CREB5: variants seen among roughly 807,000 people sequenced by gnomAD.
CREB5 encodes the protein cAMP responsive element binding protein 5.
In CREB5, 19 loss-of-function variants were observed where a neutral mutation model predicts 57.1. The observed-to-expected ratio is 0.33, with a 90% CI of 0.23 to 0.49. The LOEUF (loss-of-function observed/expected upper bound fraction) is 0.49, where lower values mean the gene tolerates loss of function less well. Among genes scored for constraint, CREB5 ranks in the 20% least tolerant of loss-of-function variants. The probability of loss-of-function intolerance (pLI) is 0.99; values close to 1 mark genes in which losing one functional copy is unlikely to be tolerated. For synonymous variants in CREB5, 238 were observed against 238.3 expected, an observed-to-expected ratio of 1.00 and a Z score of 0.01; for missense variants, 579 against 671.6, an observed-to-expected ratio of 0.86 and a Z score of 1.52.
intron 5 of CREB5, among the ~76,000 whole-genome samples, chr7:28,611,280 C>G (rs887124960): frequency 1.3e-5 from 2 of 151,784 alleles, no homozygotes; most frequent in Non-Finnish European, 2.9e-5. Context: ...GGATAAGTTA[C>G]AAAGATGTTC....
At chr7:28,420,352 T>G (rs889048423) in intron 1 of CREB5, among the ~76,000 whole-genome samples, 3 of 152,212 alleles carry the variant, frequency 2.0e-5, no homozygotes, top group Non-Finnish European at 4.4e-5. Context: ...TTATCTTTAT[T>G]TAACATTTAG....
At chr7:28,644,875 T>C (rs1798831097) in intron 5 of CREB5, among the ~76,000 whole-genome samples, 1 of 152,116 alleles carries the variant, frequency 6.6e-6, no homozygotes, top group Non-Finnish European at 1.5e-5. Context: ...TGCTCTTCCT[T>C]GAGAATGAGG....
intron 7 of CREB5, among the ~76,000 whole-genome samples, chr7:28,769,486 TAATAA>T (rs1425992560): frequency 2.6e-5 from 4 of 152,180 alleles, no homozygotes; most frequent in Non-Finnish European, 5.9e-5. Context: ...AAATAAATAC[TAATAA>T]AATAAAATTA....
chr7:28,656,774 G>A (rs1799348568), intron 5 of CREB5, among the ~76,000 whole-genome samples: 1 of 152,082 alleles, frequency 6.6e-6, no homozygotes, highest in Non-Finnish European at 1.5e-5. Flanking sequence ...TTTAGTCCAG[G>A]GCACTTTATT....
chr7:28,672,156 G>A (rs1478110484), intron 5 of CREB5, among the ~76,000 whole-genome samples: 3 of 142,400 alleles, frequency 2.1e-5, no homozygotes, highest in South Asian at 2.3e-4. Context: ...CACCAGACAA[G>A]GAGATCAGTT....
chr7:28,697,950 G>A (rs1007859702), intron 5 of CREB5, among the ~76,000 whole-genome samples: 3 of 152,108 alleles, frequency 2.0e-5, no homozygotes, highest in African/African-American at 4.8e-5. Context: ...AATTTTCTGG[G>A]TTCTCAAAAA....
At chr7:28,378,617 C>G (rs1786894359) in intron 1 of CREB5, among the ~76,000 whole-genome samples, 1 of 152,172 alleles carries the variant, frequency 6.6e-6, no homozygotes, top group Non-Finnish European at 1.5e-5. Flanking sequence ...AGGCTTCTGT[C>G]CTGGCTTTGT....
At chr7:28,790,673 A>G (rs1267297496) in intron 7 of CREB5, among the ~76,000 whole-genome samples, 2 of 152,230 alleles carry the variant, frequency 1.3e-5, no homozygotes, top group African/African-American at 4.8e-5. Context: ...TGCTGAAGGA[A>G]ACGTTTCAAT....
At chr7:28,438,141 A>G (rs1038736553) in intron 1 of CREB5, among the ~76,000 whole-genome samples, 3 of 152,182 alleles carry the variant, frequency 2.0e-5, no homozygotes, top group Non-Finnish European at 4.4e-5. Flanking sequence ...CTAGGGTCAC[A>G]TTGATTGTTA....
chr7:28,314,981 C>G (rs1424217293), intron 1 of CREB5, among the ~76,000 whole-genome samples: 1 of 152,154 alleles, frequency 6.6e-6, no homozygotes, highest in African/African-American at 2.4e-5. Flanking sequence ...ACATATTTTC[C>G]TGCCTCAAGA....
At chr7:28,422,183 G>C (rs1281775770) in intron 1 of CREB5, among the ~76,000 whole-genome samples, 3 of 152,136 alleles carry the variant, frequency 2.0e-5, no homozygotes, top group Non-Finnish European at 4.4e-5. Context: ...CTGTGGACAA[G>C]AGGATACTAT....
chr7:28,577,442 T>C (rs1023413273), intron 5 of CREB5, among the ~76,000 whole-genome samples: 1 of 152,214 alleles, frequency 6.6e-6, no homozygotes, highest in Admixed American at 6.5e-5. Flanking sequence ...ACTTCTAGGC[T>C]CAACTCCTAG....
chr7:28,409,179 G>A (rs1319940075), upstream of CREB5, among the ~76,000 whole-genome samples: 2 of 151,422 alleles, frequency 1.3e-5, no homozygotes, highest in East Asian at 3.9e-4. This position sits in a 1 kb window ranked among gnomAD's most constrained non-coding sequence, Gnocchi z 4.4. Flanking sequence ...GGTGCACCAG[G>A]GTCCGCGCGG....
At chr7:28,546,905 GA>G (rs554018415) in intron 4 of CREB5, among the ~76,000 whole-genome samples, 1 of 152,042 alleles carries the variant, frequency 6.6e-6, no homozygotes, top group Non-Finnish European at 1.5e-5. Context: ...CTGGGGTTGG[GA>G]AAAAAATAGG....
intron 5 of CREB5, among the ~76,000 whole-genome samples, chr7:28,608,119 A>T (rs201962195): frequency 0.036 from 3,964 of 110,338 alleles, 138 homozygotes; most frequent in East Asian, 0.17. Context: ...TCTCTCACAC[A>T]CACTCACACA....
intron 7 of CREB5, among the ~76,000 whole-genome samples, chr7:28,754,046 A>G (rs1326084237): frequency 6.6e-6 from 1 of 151,546 alleles, no homozygotes; most frequent in African/African-American, 2.4e-5. Flanking sequence ...TCTAGCTTTC[A>G]TTTTTAATCA....
chr7:28,488,067 G>A, intron 1 of CREB5, 108 bp from the exon 2 acceptor site: 1 of 892,762 alleles, frequency 1.1e-6, no homozygotes, highest in Admixed American at 1.9e-5. Flanking sequence ...TTTGGTATTG[G>A]CATAGAAAGG....
chr7:28,361,578 A>G (rs1170096843), intron 1 of CREB5, among the ~76,000 whole-genome samples: 1 of 152,204 alleles, frequency 6.6e-6, no homozygotes, highest in Non-Finnish European at 1.5e-5. Context: ...AACATGCAGC[A>G]GTTTGCTGAC....
At chr7:28,727,659 A>G (rs1441371164) in intron 7 of CREB5, among the ~76,000 whole-genome samples, 1 of 152,168 alleles carries the variant, frequency 6.6e-6, no homozygotes, top group Non-Finnish European at 1.5e-5. Context: ...ACCAGTAACG[A>G]TTTGGAAGCT....
Sources: allele counts gnomAD v4.1 joint callset (sites outside exome capture counted in the v4.1 genomes callset), GRCh38; gene constraint gnomAD v4.1.1; non-coding constraint Gnocchi (gnomAD v3.1); transcripts MANE v1.5; gene names NCBI Gene and HGNC (gene_info 2026-07-23, HGNC 2026-07-21).